Variants in HDAC9 observed in about 807,000 individuals in gnomAD.
HDAC9 encodes the protein MEF-2 interacting transcription repressor (MITR) protein.
HDAC9 carries 41 observed loss-of-function variants against 139.4 expected under a neutral mutation model. The ratio of observed to expected loss-of-function variants is 0.29; its 90% CI spans 0.23 to 0.38. The LOEUF (loss-of-function observed/expected upper bound fraction) is 0.38. Ranked by LOEUF, HDAC9 falls within the 10% of genes least tolerant of loss-of-function variation. The probability of loss-of-function intolerance (pLI) is 1.00; values close to 1 mark genes in which losing one functional copy is unlikely to be tolerated. For missense variants in HDAC9, 1,147 were observed against 1,297.0 expected (o/e 0.88, Z 1.78); for synonymous variants, 517 against 476.2 (o/e 1.09, Z -1.12).
At chr7:18,116,623 C>A (rs2128088462) in intron 1 of HDAC9, among the ~76,000 whole-genome samples, 1 of 151,950 alleles carries the variant, frequency 6.6e-6, no homozygotes, top group Admixed American at 6.6e-5. Context: ...ACATATGTAT[C>A]AAATAAAATA....
rs192870785 is a variant in HDAC9, at chr7:18,879,324, T to C, written c.2803+4728T>C. Reference sequence around the variant, plus strand: ...GAAGAAAACTATTTTAAAATCCATATGAAACCAAAAAAAGAGCCCAAATAG... The same window carrying C: ...GAAGAAAACTATTTTAAAATCCATACGAAACCAAAAAAAGAGCCCAAATAG... On this transcript the variant is annotated intron_variant, in intron 22 of 25. Transcript: ENST00000686413. 3.9e-5 allele frequency among the ~76,000 whole-genome samples: 6 copies of C among 152,198 alleles called. No individual in the cohort carries two copies. In the East Asian group the frequency reaches 1.2e-3, roughly 29 times the overall value.
chr7:18,602,003 C>T (rs1834089423), intron 6 of HDAC9, among the ~76,000 whole-genome samples: 1 of 152,010 alleles, frequency 6.6e-6, no homozygotes, highest in Non-Finnish European at 1.5e-5. Flanking sequence ...GGAAGTAGTC[C>T]TCCTATTTTC....
intron 1 of HDAC9, among the ~76,000 whole-genome samples, chr7:18,410,958 T>C (rs111254680): frequency 8.5e-5 from 13 of 152,358 alleles, no homozygotes; most frequent in African/African-American, 2.9e-4. Context: ...TATAGAATTA[T>C]AATCGTCAAG....
chr7:18,518,436 G>A (rs1803923374), intron 2 of HDAC9, among the ~76,000 whole-genome samples: 1 of 152,144 alleles, frequency 6.6e-6, no homozygotes, highest in Admixed American at 6.5e-5. Context: ...AGAAGTTTGT[G>A]TCCCTAGCAA....
chr7:18,641,421 C>A (rs866546598), intron 8 of HDAC9, among the ~76,000 whole-genome samples: 1 of 98,738 alleles, frequency 1.0e-5, no homozygotes, highest in Non-Finnish European at 2.9e-5. Flanking sequence ...CTTTTCTGTG[C>A]ACCTAACTAC....
At chr7:18,990,296 A>G (rs1481517768) in intron 25 of HDAC9, among the ~76,000 whole-genome samples, 1 of 152,100 alleles carries the variant, frequency 6.6e-6, no homozygotes, top group Non-Finnish European at 1.5e-5. Context: ...GGTCTGTTGG[A>G]GTACCTGGCC....
intron 1 of HDAC9, among the ~76,000 whole-genome samples, chr7:18,396,094 C>CTTCCCTTCCT (rs1182471021): frequency 3.3e-5 from 4 of 122,350 alleles, no homozygotes; most frequent in African/African-American, 1.3e-4. Context: ...CTTCCCTTCC[C>CTTCCCTTCCT]TTCCCTTCCC....
Position 18,495,970 on chromosome 7 carries a change from C to T in HDAC9, c.-95C>T, listed in dbSNP as rs1036113322. The stretch of plus-strand genomic sequence containing the variant: ...CACCTGCTTGTAGTTTCCGGGATAA[C>T]CTAAACTCCAGAGAGCTATAGCATC... On this transcript the variant is annotated 5_prime_UTR_variant, in exon 1 of 26. Transcript: ENST00000686413. 3.9e-6 allele frequency: 5 copies of T among 1,268,368 alleles called. No homozygotes were observed. The African/African-American group carries it at 7.6e-5, about 19-fold the overall frequency. 78.6% of individuals were successfully genotyped at this position (1,268,368 alleles called of 1,614,324 possible). A position where few individuals can be genotyped will look rare whatever the true frequency, so the allele number is the denominator to read the frequency against.
In HDAC9 at chr7:18,467,386, A is replaced by T. The variant is rs536654202; in HGVS notation, c.-41-28876A>T. ...TATCATATATACTGGTCTCCATCTCACTCCAGGCCTCTGCTGCTTTCTCTG... is the reference window on the plus strand; with the variant it reads ...TATCATATATACTGGTCTCCATCTCTCTCCAGGCCTCTGCTGCTTTCTCTG... On this transcript the variant is annotated intron_variant, in intron 1 of 3. Coordinates refer to the HDAC9 transcript ENST00000413509. Among the ~76,000 whole-genome samples, 4 of 151,786 alleles carry T rather than the reference A, an allele frequency of 2.6e-5. No homozygotes were observed. In the South Asian group the frequency reaches 8.3e-4, roughly 32 times the overall value.
intron 1 of HDAC9, among the ~76,000 whole-genome samples, chr7:18,307,306 A>G (rs1798989676): frequency 6.6e-6 from 1 of 152,164 alleles, no homozygotes; most frequent in African/African-American, 2.4e-5. Context: ...GGGAGGGCAC[A>G]TAAATGAAAG....
chr7:18,269,224 A>G (rs1191474464), intron 2 of HDAC9, among the ~76,000 whole-genome samples: 2 of 152,148 alleles, frequency 1.3e-5, no homozygotes, highest in Non-Finnish European at 2.9e-5. Flanking sequence ...GTAACGTGGA[A>G]TATATATAAA....
intron 2 of HDAC9, among the ~76,000 whole-genome samples, chr7:18,532,396 A>G (rs909386428): frequency 6.6e-6 from 1 of 152,234 alleles, no homozygotes; most frequent in Non-Finnish European, 1.5e-5. Flanking sequence ...CTAAAGCAAG[A>G]TTAATGCATT....
At chr7:18,288,452 C>G (rs777196718), upstream of HDAC9, among the ~76,000 whole-genome samples, 3 of 152,126 alleles carry the variant, frequency 2.0e-5, no homozygotes, top group Non-Finnish European at 4.4e-5. Flanking sequence ...CCACTCAACC[C>G]TCCAGTCTTT....
At chr7:18,589,931 G>A (rs1216578481) in intron 3 of HDAC9, among the ~76,000 whole-genome samples, 1 of 152,086 alleles carries the variant, frequency 6.6e-6, no homozygotes, top group Non-Finnish European at 1.5e-5. Context: ...CCATTTTTTA[G>A]GCTAAGAATG....
chr7:18,361,978 A>C (rs1783818520), intron 1 of HDAC9, among the ~76,000 whole-genome samples: 1 of 152,178 alleles, frequency 6.6e-6, no homozygotes, highest in Admixed American at 6.5e-5. Flanking sequence ...GTTCAAGGAC[A>C]AGTGCTGACT....
At chr7:18,318,556 T>TG (rs1157004038) in intron 1 of HDAC9, among the ~76,000 whole-genome samples, 3 of 152,040 alleles carry the variant, frequency 2.0e-5, no homozygotes, top group Admixed American at 1.3e-4. Context: ...TAAAGTGGAG[T>TG]GGGGCCTCAG....
At chr7:18,088,846 T>C (rs1431557912) in intron 1 of HDAC9, among the ~76,000 whole-genome samples, 3 of 152,200 alleles carry the variant, frequency 2.0e-5, no homozygotes, top group Non-Finnish European at 4.4e-5. Flanking sequence ...AATAAGAATA[T>C]TATATTTCCA....
chr7:18,899,703 T>A (rs1801526128), intron 22 of HDAC9, among the ~76,000 whole-genome samples: 1 of 151,998 alleles, frequency 6.6e-6, no homozygotes, highest in African/African-American at 2.4e-5. Flanking sequence ...AACTATTCAA[T>A]GTAATTTGTT....
intron 12 of HDAC9, among the ~76,000 whole-genome samples, chr7:18,685,183 C>T (rs1782179112): frequency 6.6e-6 from 1 of 152,020 alleles, no homozygotes; most frequent in Non-Finnish European, 1.5e-5. Flanking sequence ...AGTTCTCTAG[C>T]TATGGAATCT....
Sources: gnomAD v4.1 joint callset for allele counts (sites outside exome capture counted in the v4.1 genomes callset) on GRCh38, gnomAD v4.1.1 for gene constraint, MANE v1.5 for transcripts, NCBI Gene and HGNC (gene_info 2026-07-23, HGNC 2026-07-21) for gene names.